Variants in MINDY2 observed in about 807,000 individuals in gnomAD.
MINDY2 encodes the protein ubiquitin carboxyl-terminal hydrolase MINDY-2.
MINDY2 carries 52 observed loss-of-function variants against 68.2 expected under a neutral mutation model. The observed-to-expected ratio is 0.76, with a 90% CI of 0.61 to 0.96. MINDY2 has a LOEUF of 0.96. Among genes scored for constraint, MINDY2 ranks in the 40% least tolerant of loss-of-function variants. The pLI, the probability that MINDY2 is intolerant of heterozygous loss-of-function variation, is 0.00. For missense variants in MINDY2, 881 were observed against 773.4 expected, an observed-to-expected ratio of 1.14 and a Z score of -1.65; for synonymous variants, 372 against 303.0, an observed-to-expected ratio of 1.23 and a Z score of -2.36.
chr15:58,786,310 A>G (rs1464250086), intron 1 of MINDY2, among the ~76,000 whole-genome samples: 2 of 152,196 alleles, frequency 1.3e-5, no homozygotes, highest in African/African-American at 4.8e-5. Flanking sequence ...TTGGTGAAGA[A>G]TTTTTAACAA....
At chr15:58,842,188 T>C (rs900829904) in intron 6 of MINDY2, among the ~76,000 whole-genome samples, 3 of 152,112 alleles carry the variant, frequency 2.0e-5, no homozygotes, top group African/African-American at 7.2e-5. Flanking sequence ...TTCCCCTATC[T>C]CTTGGTTTTA....
chr15:58,795,638 T>A lies in MINDY2; in HGVS notation c.899-6675T>A, dbSNP rs532779935. On this transcript the variant is annotated intron_variant, in intron 2 of 8. Coordinates refer to ENST00000559228, the MANE Select transcript of MINDY2 (RefSeq NM_001040450.3). ...CCAGGATGGTCTCGATCTCCTGACCTCGTGATCCACCCGTCTCGGCCTCCC... is the reference window on the plus strand; with the variant it reads ...CCAGGATGGTCTCGATCTCCTGACCACGTGATCCACCCGTCTCGGCCTCCC... 3.6e-4 allele frequency among the ~76,000 whole-genome samples: 55 copies of A among 152,296 alleles called. 1 individual carries two copies. Among genetic ancestry groups the A allele is most frequent in the African/African-American group, 1.2e-3 (51 of 41,580 alleles).
chr15:58,792,647 A>G (rs28793354), intron 2 of MINDY2, among the ~76,000 whole-genome samples: 24,278 of 152,166 alleles, frequency 0.16, 2,186 homozygotes, highest in South Asian at 0.34. Context: ...TATTATTCAT[A>G]GTAGTCAAAA....
At chr15:58,846,628 C>G (rs1424249801) in intron 6 of MINDY2, among the ~76,000 whole-genome samples, 1 of 150,522 alleles carries the variant, frequency 6.6e-6, no homozygotes, top group Non-Finnish European at 1.5e-5. Flanking sequence ...TCATGTAACC[C>G]ACAAATACAT....
chr15:58,788,878 G>GTCA (rs1901685759), intron 2 of MINDY2, among the ~76,000 whole-genome samples: 1 of 152,136 alleles, frequency 6.6e-6, no homozygotes, highest in African/African-American at 2.4e-5. Flanking sequence ...CAGGCGTGGT[G>GTCA]TCATGCACCT....
At chr15:58,776,478 CATG>C (rs1234744101) in intron 1 of MINDY2, among the ~76,000 whole-genome samples, 1 of 152,082 alleles carries the variant, frequency 6.6e-6, no homozygotes, top group African/African-American at 2.4e-5. Context: ...AGGGCAATGT[CATG>C]ATAGTATTCA....
intron 3 of MINDY2, among the ~76,000 whole-genome samples, chr15:58,803,197 T>G (rs184622062): frequency 1.5e-3 from 227 of 152,332 alleles, no homozygotes; most frequent in Non-Finnish European, 1.9e-3. Flanking sequence ...CTGGGCGTGG[T>G]GGCTCAAGCC....
At position 58,852,972 on chromosome 15, in the gene MINDY2, A is replaced by ATTTTTT. The variant is rs1567079858; in HGVS notation, c.1737+1007_1737+1008insTTTTTT. 7.1e-3 allele frequency among the ~76,000 whole-genome samples: 123 copies of ATTTTTT among 17,272 alleles called. 49 individuals are homozygous for ATTTTTT. The highest frequency in any genetic ancestry group is 0.33 in the Middle Eastern group (2 of 6). The allele number at this position is 17,272 out of a possible 152,430, so 11.3% of individuals were successfully genotyped here. A position where few individuals can be genotyped will look rare whatever the true frequency, so the allele number is the denominator to read the frequency against. ...TTTTTTTTTTTTTTTTTTTTTTTTA[A>ATTTTTT]GACAGAGTCTCACTCTGTTGCCCAG... On this transcript the variant is annotated intron_variant, in intron 8 of 8. Coordinates refer to ENST00000559228, the MANE Select transcript of MINDY2 (RefSeq NM_001040450.3).
intron 6 of MINDY2, among the ~76,000 whole-genome samples, chr15:58,839,999 AT>A (rs1187913161): frequency 6.6e-6 from 1 of 151,758 alleles, no homozygotes; most frequent in Non-Finnish European, 1.5e-5. Context: ...CGCTCAGCTA[AT>A]TTTTTGTATT....
At chr15:58,794,335 A>T (rs1902130502) in intron 2 of MINDY2, among the ~76,000 whole-genome samples, 1 of 149,946 alleles carries the variant, frequency 6.7e-6, no homozygotes. Flanking sequence ...TCTGAGATAA[A>T]GTAGAATAAA....
chr15:58,792,613 A>G (rs547419315), intron 2 of MINDY2, among the ~76,000 whole-genome samples: 1 of 152,252 alleles, frequency 6.6e-6, no homozygotes, highest in South Asian at 2.1e-4. Context: ...CTCAGGGGGA[A>G]AAAAAGAAAA....
chr15:58,843,447 G>A (rs553760162), intron 6 of MINDY2, among the ~76,000 whole-genome samples: 10 of 152,196 alleles, frequency 6.6e-5, no homozygotes, highest in East Asian at 3.9e-4. Flanking sequence ...CACCACACCC[G>A]ACCTAGAGAT....
intron 4 of MINDY2, among the ~76,000 whole-genome samples, chr15:58,819,849 TG>T (rs2030948049): frequency 6.6e-6 from 1 of 152,202 alleles, no homozygotes; most frequent in African/African-American, 2.4e-5. Flanking sequence ...AACTCATAGA[TG>T]TTTTTTTGTG....
chr15:58,793,524 A>G (rs908286437), intron 2 of MINDY2, among the ~76,000 whole-genome samples: 14 of 152,242 alleles, frequency 9.2e-5, no homozygotes, highest in African/African-American at 2.9e-4. Context: ...TCCTGTGAAT[A>G]TACAACAAAA....
intron 1 of MINDY2, among the ~76,000 whole-genome samples, chr15:58,775,380 T>C (rs1443937567): frequency 6.6e-6 from 1 of 152,184 alleles, no homozygotes; most frequent in East Asian, 1.9e-4. Context: ...GTGAAGGTGG[T>C]TGTCAGATTT....
At chr15:58,827,336 G>T (rs1280658524) in intron 5 of MINDY2, among the ~76,000 whole-genome samples, 1 of 152,092 alleles carries the variant, frequency 6.6e-6, no homozygotes, top group Non-Finnish European at 1.5e-5. Context: ...AGTTATTACT[G>T]TGGTGGTTAT....
chr15:58,830,853 C>T (rs1289655858), intron 5 of MINDY2, among the ~76,000 whole-genome samples: 1 of 151,990 alleles, frequency 6.6e-6, no homozygotes, highest in Non-Finnish European at 1.5e-5. Flanking sequence ...TGGGAATGTG[C>T]ACATTGGGCC....
At chr15:58,822,436 T>C (rs564893102) in intron 5 of MINDY2, among the ~76,000 whole-genome samples, 2 of 152,286 alleles carry the variant, frequency 1.3e-5, no homozygotes, top group African/African-American at 4.8e-5. Context: ...TCTTAAAAAA[T>C]GTTTATTATT....
At chr15:58,839,567 G>C (rs1307123919) in intron 6 of MINDY2, among the ~76,000 whole-genome samples, 22 of 152,104 alleles carry the variant, frequency 1.4e-4, no homozygotes, top group African/African-American at 5.1e-4. Flanking sequence ...GTTGACCTCA[G>C]ATGATCCACC....
Sources: allele counts gnomAD v4.1 joint callset (sites outside exome capture counted in the v4.1 genomes callset), GRCh38; gene constraint gnomAD v4.1.1; transcripts MANE v1.5; gene names NCBI Gene and HGNC (gene_info 2026-07-23, HGNC 2026-07-21).